The following LRBA variants were observed in gnomAD, a reference collection of about 807,000 sequenced individuals.
LRBA encodes the protein lipopolysaccharide-responsive and beige-like anchor protein.
A neutral mutation model predicts 330.0 loss-of-function variants in LRBA; 176 were observed. That is an observed-to-expected ratio of 0.53 (90% CI 0.47 to 0.60). LRBA has a LOEUF of 0.60. Among genes scored for constraint, LRBA ranks in the 20% least tolerant of loss-of-function variants. The pLI is 0.00. For synonymous variants in LRBA, 1,230 were observed against 1,193.0 expected, an observed-to-expected ratio of 1.03 and a Z score of -0.64; for missense variants, 3,259 against 3,444.8, an observed-to-expected ratio of 0.95 and a Z score of 1.35.
At chr4:150,478,742 A>C (rs1756985897) in intron 42 of LRBA, among the ~76,000 whole-genome samples, 1 of 152,150 alleles carries the variant, frequency 6.6e-6, no homozygotes, top group Non-Finnish European at 1.5e-5. Context: ...AGCTGGTTAT[A>C]TTTCTTCAAA....
At chr4:150,898,238 T>A (rs74811363) in intron 14 of LRBA, among the ~76,000 whole-genome samples, 2,970 of 152,188 alleles carry the variant, frequency 0.02, 51 homozygotes, top group Middle Eastern at 0.031. Flanking sequence ...GAATTCAGTA[T>A]GACAAAATTT....
At chr4:150,908,260 C>A (rs1731565098) in intron 11 of LRBA, 74 bp downstream of exon 11, 2 of 1,466,650 alleles carry the variant, frequency 1.4e-6, no homozygotes, top group Non-Finnish European at 1.8e-6. Context: ...ACCTGAAAGG[C>A]AAAATATTGT....
At chr4:150,332,437 T>C (rs1383499954) in intron 48 of LRBA, among the ~76,000 whole-genome samples, 1 of 152,176 alleles carries the variant, frequency 6.6e-6, no homozygotes, top group African/African-American at 2.4e-5. Flanking sequence ...ATTACTGGTT[T>C]AATTTTCCAA....
intron 54 of LRBA, among the ~76,000 whole-genome samples, chr4:150,285,034 G>T (rs1747976733): frequency 6.6e-6 from 1 of 152,156 alleles, no homozygotes. Context: ...GAAAAATCCA[G>T]TGGTTATAGA....
intron 16 of LRBA, among the ~76,000 whole-genome samples, chr4:150,894,295 G>A (rs1370588630): frequency 6.6e-6 from 1 of 152,096 alleles, no homozygotes; most frequent in East Asian, 1.9e-4. Context: ...AGAACACTTT[G>A]TGGGAAATGA....
At chr4:150,908,892 C>T (rs1431515963) in intron 9 of LRBA, 35 bp from the exon 10 acceptor site, 1 of 1,417,380 alleles carries the variant, frequency 7.1e-7, no homozygotes, top group Admixed American at 1.8e-5. Context: ...AATAGTATGC[C>T]ACAAAGAGAA....
At chr4:150,432,453 CT>C (rs35393002) in intron 46 of LRBA, among the ~76,000 whole-genome samples, 563 of 98,350 alleles carry the variant, frequency 5.7e-3, no homozygotes, top group African/African-American at 0.023. Context: ...TAAGTGTGTT[CT>C]TTTTTTTTTT....
At chr4:150,511,796 T>G (rs1318779514) in intron 40 of LRBA, among the ~76,000 whole-genome samples, 1 of 152,232 alleles carries the variant, frequency 6.6e-6, no homozygotes, top group Non-Finnish European at 1.5e-5. Flanking sequence ...CAAAATCACA[T>G]AACTAGTAAG....
In LRBA at chr4:150,607,670, G is replaced by T. The variant is rs946449775; in HGVS notation, c.5922-8539C>A. Reference sequence around the variant, plus strand: ...TAATCCTAGCACTTTGGGAGGCTGAGACAGGTGGATCACTTGAGCCGTGGA... The same window carrying T: ...TAATCCTAGCACTTTGGGAGGCTGATACAGGTGGATCACTTGAGCCGTGGA... On this transcript the variant is annotated intron_variant, in intron 37 of 56. Coordinates refer to ENST00000651943, the MANE Select transcript of LRBA (RefSeq NM_001364905.1). Among the ~76,000 whole-genome samples, 5 of 152,044 alleles carry T rather than the reference G, an allele frequency of 3.3e-5. 1 individual carries two copies. Among genetic ancestry groups the T allele is most frequent in the African/African-American group, 1.2e-4 (5 of 41,392 alleles).
intron 2 of LRBA, among the ~76,000 whole-genome samples, chr4:150,943,885 G>C (rs1350234150): frequency 6.6e-6 from 1 of 152,160 alleles, no homozygotes; most frequent in African/African-American, 2.4e-5. Flanking sequence ...GGTCATTAGA[G>C]CTTCATGGCT....
intron 2 of LRBA, among the ~76,000 whole-genome samples, chr4:150,995,758 C>T (rs978905206): frequency 6.6e-6 from 1 of 152,022 alleles, no homozygotes; most frequent in African/African-American, 2.4e-5. Flanking sequence ...AGAACTGGTA[C>T]TTAATAGGTC....
intron 2 of LRBA, among the ~76,000 whole-genome samples, chr4:150,992,217 G>A (rs1742168151): frequency 6.6e-6 from 1 of 151,792 alleles, no homozygotes; most frequent in Non-Finnish European, 1.5e-5. Flanking sequence ...TCGTGAGGCT[G>A]AGGCTAGAAA....
intron 32 of LRBA, among the ~76,000 whole-genome samples, chr4:150,806,837 G>A (rs926674925): frequency 5.9e-5 from 9 of 151,870 alleles, no homozygotes; most frequent in East Asian, 1.9e-4. Context: ...CTCAACAGAC[G>A]TTGAGTGCTT....
intron 37 of LRBA, among the ~76,000 whole-genome samples, chr4:150,676,193 A>G (rs1346875992): frequency 6.6e-6 from 1 of 152,216 alleles, no homozygotes; most frequent in Non-Finnish European, 1.5e-5. Context: ...CAAACTGCAC[A>G]GTGCTCTTTC....
In LRBA at chr4:150,818,513, G is replaced by A. The variant is rs376591509; in HGVS notation, c.5172-1256C>T. The stretch of plus-strand genomic sequence containing the variant: ...AGATGAAGATTATTGACTTAAGGGG[G>A]AGTAGATATGACGAATGTCTGTGTG... On this transcript the variant is annotated intron_variant, in intron 30 of 56. Coordinates refer to ENST00000651943, the MANE Select transcript of LRBA (RefSeq NM_001364905.1). Among the ~76,000 whole-genome samples the A allele has an allele frequency of 1.7e-4, 26 of 149,574 alleles. 2 individuals carry two copies. Among genetic ancestry groups the A allele is most frequent in the East Asian group, 1.2e-3 (6 of 5,028 alleles).
chr4:150,944,293 T>A (rs996310620), intron 2 of LRBA, among the ~76,000 whole-genome samples: 3 of 152,236 alleles, frequency 2.0e-5, no homozygotes, highest in Admixed American at 6.5e-5. Flanking sequence ...ATGCTATTTA[T>A]TCCTGTATCA....
At chr4:150,946,187 A>T (rs1277502869) in intron 2 of LRBA, among the ~76,000 whole-genome samples, 1 of 152,236 alleles carries the variant, frequency 6.6e-6, no homozygotes, top group Non-Finnish European at 1.5e-5. Flanking sequence ...TTTATCTTAC[A>T]AAAGTAACTG....
At chr4:150,777,594 G>A (rs1737570691) in intron 34 of LRBA, among the ~76,000 whole-genome samples, 1 of 152,204 alleles carries the variant, frequency 6.6e-6, no homozygotes, top group East Asian at 1.9e-4. Context: ...TAGGAGTTCA[G>A]GGAGAAAGCC....
intron 37 of LRBA, among the ~76,000 whole-genome samples, chr4:150,623,315 C>G (rs987814858): frequency 6.6e-6 from 1 of 152,176 alleles, no homozygotes; most frequent in African/African-American, 2.4e-5. Context: ...AATGCTCACA[C>G]ATATTCATTC....
Sources: gnomAD v4.1 joint callset for allele counts (sites outside exome capture counted in the v4.1 genomes callset) on GRCh38, gnomAD v4.1.1 for gene constraint, MANE v1.5 for transcripts, NCBI Gene and HGNC (gene_info 2026-07-23, HGNC 2026-07-21) for gene names.